The following DNAJC21 variants were observed in gnomAD, a reference collection of about 807,000 sequenced individuals.
DNAJC21 encodes DnaJ heat shock protein family (Hsp40) member C21.
In DNAJC21, 63 loss-of-function variants were observed where a neutral mutation model predicts 72.4. The ratio of observed to expected loss-of-function variants is 0.87; its 90% confidence interval spans 0.71 to 1.07. The LOEUF (loss-of-function observed/expected upper bound fraction) is 1.07. DNAJC21 is among the 50% of genes least tolerant of loss of function. The pLI is 0.00. For synonymous variants in DNAJC21, 203 were observed against 216.7 expected (o/e 0.94, Z 0.56); for missense variants, 634 against 644.8 (o/e 0.98, Z 0.18).
At chr5:34,931,815 G>A (rs1369055027) in intron 1 of DNAJC21, among the ~76,000 whole-genome samples, 3 of 152,150 alleles carry the variant, frequency 2.0e-5, no homozygotes. Flanking sequence ...CGCAAGGGGA[G>A]GAGATGTTGG....
At chr5:34,950,436 C>T in intron 10 of DNAJC21, 94 bp downstream of exon 10, 1 of 1,479,118 alleles carries the variant, frequency 6.8e-7, no homozygotes, top group Non-Finnish European at 9.0e-7. Context: ...TTTCCCATGA[C>T]TGACCAGGTA....
intron 2 of DNAJC21, among the ~76,000 whole-genome samples, chr5:34,934,876 CAGAG>C (rs1764720238): frequency 6.6e-6 from 1 of 152,148 alleles, no homozygotes; most frequent in African/African-American, 2.4e-5. Flanking sequence ...ATAAGAAACT[CAGAG>C]AGAGGATCCT....
intron 1 of DNAJC21, among the ~76,000 whole-genome samples, chr5:34,932,022 A>G (rs1262911475): frequency 2.0e-5 from 3 of 152,250 alleles, no homozygotes; most frequent in African/African-American, 4.8e-5. Flanking sequence ...GAAGCCCTGA[A>G]GAGCCATGTT....
intron 5 of DNAJC21, among the ~76,000 whole-genome samples, chr5:34,937,882 G>A (rs1324758359): frequency 1.2e-4 from 18 of 152,110 alleles, no homozygotes; most frequent in African/African-American, 4.1e-4. Flanking sequence ...TGCAACCTCC[G>A]CCTCCAGGTT....
At chr5:34,944,497 G>T (rs1164329360) in intron 7 of DNAJC21, among the ~76,000 whole-genome samples, 2 of 152,128 alleles carry the variant, frequency 1.3e-5, no homozygotes, top group African/African-American at 2.4e-5. Context: ...GAAGCTTTAA[G>T]AATTGAAAAA....
chr5:34,933,440 CT>C (rs1204454669), intron 1 of DNAJC21, among the ~76,000 whole-genome samples: 1 of 152,044 alleles, frequency 6.6e-6, no homozygotes, highest in Non-Finnish European at 1.5e-5. Context: ...CTGGGCTAAT[CT>C]TTTGTATTTT....
intron 4 of DNAJC21, among the ~76,000 whole-genome samples, chr5:34,936,709 G>A (rs1458446874): frequency 6.6e-6 from 1 of 151,960 alleles, no homozygotes; most frequent in East Asian, 1.9e-4. Context: ...TCGATCTCTT[G>A]CAACCTTCCC....
chr5:34,932,807 A>G (rs1764646054), intron 1 of DNAJC21, among the ~76,000 whole-genome samples: 1 of 152,252 alleles, frequency 6.6e-6, no homozygotes, highest in African/African-American at 2.4e-5. Context: ...ATGCTATGGC[A>G]GCTGGCCACT....
Position 34,956,734 on chromosome 5 carries a change from T to A in DNAJC21, c.*2020T>A, listed in dbSNP as rs575593361. 3.3e-5 allele frequency: 5 copies of A among 152,342 alleles called. No individual in the cohort carries two copies. In the East Asian group the frequency reaches 9.6e-4, roughly 29 times the overall value. 9.4% of individuals were successfully genotyped at this position (152,342 alleles called of 1,614,324 possible). On this transcript the variant is annotated 3_prime_UTR_variant, in exon 12 of 12. Transcript: ENST00000648817. ...GAGTGGAGTTATGTGTCGCTTTTATTCGGATTGACGAAAATCAACCATAAT... is the reference window on the plus strand; with the variant it reads ...GAGTGGAGTTATGTGTCGCTTTTATACGGATTGACGAAAATCAACCATAAT...
rs751390626 is a variant in DNAJC21 at position 34,953,970 on chromosome 5, CT to C, written c.1404del (p.Val469SerfsTer10). The C allele has an allele frequency of 1.9e-6, 3 of 1,611,970 alleles. No homozygotes were observed. The highest frequency in any genetic ancestry group is 2.5e-6 in the Non-Finnish European group (3 of 1,179,262). ...KGKKTKDMKK[P>X]VRVPAEPQTM... The stretch of plus-strand genomic sequence containing the variant: ...AAGAAAACCAAAGATATGAAAAAAC[CT>C]GTCAGAGTACCTGCTGAACCACAAA... On this transcript the variant is annotated frameshift_variant, in exon 11 of 12. Transcript: ENST00000648817. LOFTEE classifies it high-confidence loss of function.
At chr5:34,950,769 G>A (rs1215010013) in intron 10 of DNAJC21, 2 of 987,790 alleles carry the variant, frequency 2.0e-6, no homozygotes, top group Non-Finnish European at 2.4e-6. Flanking sequence ...CATGGCAGCA[G>A]CTGGGGCCCT....
intron 7 of DNAJC21, among the ~76,000 whole-genome samples, chr5:34,944,235 G>A (rs896643443): frequency 2.6e-5 from 4 of 152,184 alleles, no homozygotes; most frequent in South Asian, 2.1e-4. Context: ...CTGAATGTAC[G>A]TTACGGTGGT....
chr5:34,958,583 G>A lies in DNAJC21; in HGVS notation c.*3869G>A, dbSNP rs1765599134. On this transcript the variant is annotated 3_prime_UTR_variant, in exon 12 of 12. Coordinates refer to ENST00000648817, the MANE Select transcript of DNAJC21 (RefSeq NM_001012339.3). The stretch of plus-strand genomic sequence containing the variant: ...AAAACATGGCTTCTGTAGAACAATA[G>A]AGACTGTAAAAGAACAAGCTACAGA... The A allele has an allele frequency of 1.3e-5, 2 of 152,156 alleles. No homozygotes were observed. The highest frequency in any genetic ancestry group is 2.4e-5 in the African/African-American group (1 of 41,450). The allele number at this position is 152,156 out of a possible 1,614,324, so 9.4% of individuals were successfully genotyped here. A position where few individuals can be genotyped will look rare whatever the true frequency, so the allele number is the denominator to read the frequency against.
At chr5:34,952,852 C>T (rs1404742606) in intron 10 of DNAJC21, 1 of 152,054 alleles carries the variant, frequency 6.6e-6, no homozygotes, top group Non-Finnish European at 1.5e-5. Context: ...TGGATCACGT[C>T]CAAGAAGTTA....
rs145662364 is a variant in DNAJC21 at position 34,958,509 on chromosome 5, T to C, written c.*3795T>C. 7 of 152,324 alleles carry C rather than the reference T, an allele frequency of 4.6e-5. No individual in the cohort carries two copies. In the East Asian group the frequency reaches 1.3e-3, roughly 29 times the overall value. 9.4% of individuals were successfully genotyped at this position (152,324 alleles called of 1,614,324 possible). On this transcript the variant is annotated 3_prime_UTR_variant, in exon 12 of 12. Transcript: ENST00000648817. ...TTCATGATTTTGCAAATGGGAAGGATTTCTTTAAAGCAAGACACAAAAGCA... is the reference window on the plus strand; with the variant it reads ...TTCATGATTTTGCAAATGGGAAGGACTTCTTTAAAGCAAGACACAAAAGCA...
chr5:34,934,300 C>T (rs1764696878), intron 2 of DNAJC21, among the ~76,000 whole-genome samples: 1 of 151,982 alleles, frequency 6.6e-6, no homozygotes, highest in East Asian at 1.9e-4. Context: ...GCAATCTCAG[C>T]TCACTGCAAC....
intron 11 of DNAJC21, 75 bp downstream of exon 11, chr5:34,954,076 T>A: frequency 7.2e-7 from 1 of 1,385,060 alleles, no homozygotes; most frequent in Non-Finnish European, 9.8e-7. Flanking sequence ...AAGATGGAAA[T>A]GTGTATTTGG....
intron 9 of DNAJC21, among the ~76,000 whole-genome samples, 185 bp downstream of exon 9, chr5:34,945,988 T>C (rs1407721599): frequency 6.6e-6 from 1 of 152,178 alleles, no homozygotes; most frequent in Non-Finnish European, 1.5e-5. Context: ...CTTGTATGTA[T>C]GTAATAACAA....
intron 1 of DNAJC21, chr5:34,930,409 A>G (rs1764550874): frequency 6.6e-6 from 1 of 152,138 alleles, no homozygotes; most frequent in Non-Finnish European, 1.5e-5. Flanking sequence ...CACGGGAGCT[A>G]GTAAAATATC....
Sources: gnomAD v4.1 joint callset for allele counts (sites outside exome capture counted in the v4.1 genomes callset) on GRCh38, gnomAD v4.1.1 for gene constraint, MANE v1.5 for transcripts, NCBI Gene and HGNC (gene_info 2026-07-23, HGNC 2026-07-21) for gene names.